SCN2A: variants seen among roughly 807,000 people sequenced by gnomAD.
SCN2A encodes the protein sodium channel protein type 2 subunit alpha.
A neutral mutation model predicts 188.7 loss-of-function variants in SCN2A; 20 were observed. The ratio of observed to expected loss-of-function variants is 0.11; its 90% CI spans 0.07 to 0.15. SCN2A has a LOEUF of 0.15. Ranked by LOEUF, SCN2A falls within the 10% of genes least tolerant of loss-of-function variation. SCN2A has a pLI of 1.00. For missense variants in SCN2A, 1,278 were observed against 2,445.0 expected, an observed-to-expected ratio of 0.52 and a Z score of 10.07; for synonymous variants, 804 against 833.1, an observed-to-expected ratio of 0.97 and a Z score of 0.60.
chr2:165,373,133 C>T lies in SCN2A; in HGVS notation c.3850-92C>T, dbSNP rs142658371. 1.0e-3 allele frequency: 1,391 copies of T among 1,387,090 alleles called. 5 individuals carry two copies. The African/African-American group carries it at 0.016, about 16-fold the overall frequency. The allele number at this position is 1,387,090 out of a possible 1,614,324, so 85.9% of individuals were successfully genotyped here. On this transcript the variant is annotated intron_variant, in intron 20 of 26. Transcript: ENST00000375437. ...GGTGATTTTGAAACTCATGAAAGTT[C>T]GAGAATTACTGATTCATTGCATAGA...
chr2:165,351,082 T>A (rs1040660045), intron 16 of SCN2A, among the ~76,000 whole-genome samples: 3 of 152,156 alleles, frequency 2.0e-5, no homozygotes, highest in African/African-American at 7.2e-5. Context: ...ATTTATTTTA[T>A]AGATGAGGAA....
intron 1 of SCN2A, among the ~76,000 whole-genome samples, chr2:165,262,807 G>A (rs957628372): frequency 2.6e-5 from 4 of 151,948 alleles, no homozygotes; most frequent in South Asian, 2.1e-4. Flanking sequence ...TCTACTTTTC[G>A]TTCTTAAGAA....
intron 16 of SCN2A, among the ~76,000 whole-genome samples, chr2:165,353,053 CTT>C (rs199906634): frequency 2.3e-4 from 32 of 141,198 alleles, no homozygotes; most frequent in African/African-American, 6.9e-4. Flanking sequence ...CGTAAGTTGT[CTT>C]TTTTTTTTTT....
chr2:165,255,585 T>G (rs1267387928), intron 1 of SCN2A, among the ~76,000 whole-genome samples: 1 of 152,008 alleles, frequency 6.6e-6, no homozygotes, highest in Non-Finnish European at 1.5e-5. Context: ...TATTAAAATA[T>G]GGCTCTATGG....
intron 16 of SCN2A, among the ~76,000 whole-genome samples, chr2:165,351,445 A>G (rs1292293232): frequency 1.3e-5 from 2 of 152,220 alleles, no homozygotes; most frequent in East Asian, 1.9e-4. Flanking sequence ...AGTAAACCCT[A>G]TTATACTGAC....
intron 13 of SCN2A, among the ~76,000 whole-genome samples, chr2:165,330,570 G>A (rs1698621093): frequency 6.6e-6 from 1 of 152,002 alleles, no homozygotes; most frequent in South Asian, 2.1e-4. Flanking sequence ...TTTGATATGA[G>A]AGTTATATAT....
At chr2:165,249,775 G>A (rs1454961405) in intron 1 of SCN2A, among the ~76,000 whole-genome samples, 3 of 151,904 alleles carry the variant, frequency 2.0e-5, no homozygotes, top group Non-Finnish European at 4.4e-5. Flanking sequence ...ACCACCTAAT[G>A]TCTATACTAC....
At chr2:165,291,352 G>GTTCCTTCC (rs756578383) in intron 1 of SCN2A, among the ~76,000 whole-genome samples, 22 of 56,066 alleles carry the variant, frequency 3.9e-4, no homozygotes, top group African/African-American at 1.2e-3. Context: ...TCTGTCGTTC[G>GTTCCTTCC]TTCCTTCCTT....
At chr2:165,351,879 T>G (rs1699937548) in intron 16 of SCN2A, among the ~76,000 whole-genome samples, 1 of 151,838 alleles carries the variant, frequency 6.6e-6, no homozygotes. Context: ...TTGTTTTTTT[T>G]TTTTTTTTAA....
At chr2:165,291,575 T>TCCTTCCTTCCTTCCTTCCTTTCTC (rs1460696524) in intron 1 of SCN2A, among the ~76,000 whole-genome samples, 1 of 70,586 alleles carries the variant, frequency 1.4e-5, no homozygotes, top group African/African-American at 4.6e-5. Context: ...CTTCCTTCCT[T>TCCTTCCTTCCTTCCTTCCTTTCTC]TCTCTCTCTC....
intron 1 of SCN2A, among the ~76,000 whole-genome samples, chr2:165,291,474 C>CTTTCTT (rs1553563600): frequency 5.3e-5 from 2 of 37,754 alleles, no homozygotes; most frequent in Admixed American, 3.4e-4. Context: ...TTCTTTCTTT[C>CTTTCTT]TTTCTTTCTT....
intron 10 of SCN2A, 56 bp from the exon 11 acceptor site, chr2:165,315,415 A>G (rs893384635): frequency 6.8e-6 from 11 of 1,609,346 alleles, no homozygotes; most frequent in Non-Finnish European, 8.5e-6. Flanking sequence ...AAGCAGTAAC[A>G]TGATAATTAC....
chr2:165,291,035 C>CTTTTTTTTTTTTTTTT (rs55979694), intron 1 of SCN2A, among the ~76,000 whole-genome samples: 27 of 79,974 alleles, frequency 3.4e-4, no homozygotes, highest in East Asian at 8.9e-4. Flanking sequence ...TCTTTTCTTT[C>CTTTTTTTTTTTTTTTT]TTTTTTTTTT....
At chr2:165,337,635 C>T (rs1229315999) in intron 14 of SCN2A, among the ~76,000 whole-genome samples, 1 of 152,010 alleles carries the variant, frequency 6.6e-6, no homozygotes, top group Non-Finnish European at 1.5e-5. Context: ...AGAAATAATT[C>T]AGGCCAGAAG....
chr2:165,383,952 C>T (rs924904292), intron 25 of SCN2A, among the ~76,000 whole-genome samples: 4 of 151,682 alleles, frequency 2.6e-5, no homozygotes, highest in African/African-American at 9.7e-5. Flanking sequence ...TTAGAAGTAG[C>T]AAAATAAAGG....
intron 16 of SCN2A, among the ~76,000 whole-genome samples, chr2:165,348,813 T>C (rs1444261127): frequency 6.6e-6 from 1 of 152,184 alleles, no homozygotes; most frequent in Admixed American, 6.5e-5. Context: ...TAGTTGAAGG[T>C]CTCAGTTTTT....
intron 10 of SCN2A, among the ~76,000 whole-genome samples, chr2:165,314,603 A>G (rs923663377): frequency 2.6e-5 from 4 of 152,208 alleles, no homozygotes; most frequent in African/African-American, 9.6e-5. Context: ...TATAAAGTGT[A>G]CAAATGCAAG....
intron 24 of SCN2A, 47 bp downstream of exon 24, chr2:165,380,776 AT>A: frequency 7.0e-7 from 1 of 1,420,770 alleles, no homozygotes; most frequent in Non-Finnish European, 9.9e-7. Flanking sequence ...TGAACTAAAT[AT>A]TTCATACTCT....
chr2:165,319,617 A>C lies in SCN2A; in HGVS notation c.1672-3539A>C, dbSNP rs1697965499. On this transcript the variant is annotated intron_variant, in intron 11 of 26. Transcript: ENST00000375437. Reference sequence around the variant, plus strand: ...TTCCATGTGGCTGGCAAAGCCTCACAATCATGGCAGAAAGCAAAGAGGAGC... The same window carrying C: ...TTCCATGTGGCTGGCAAAGCCTCACCATCATGGCAGAAAGCAAAGAGGAGC... 1.3e-5 allele frequency among the ~76,000 whole-genome samples: 2 copies of C among 152,220 alleles called. 1 individual carries two copies. The highest frequency in any genetic ancestry group is 4.1e-4 in the South Asian group (2 of 4,834).
Sources: gnomAD v4.1 joint callset for allele counts (sites outside exome capture counted in the v4.1 genomes callset) on GRCh38, gnomAD v4.1.1 for gene constraint, MANE v1.5 for transcripts, NCBI Gene and HGNC (gene_info 2026-07-23, HGNC 2026-07-21) for gene names.